Variants in TENM4 observed in about 807,000 individuals in gnomAD.
The protein encoded by TENM4 is teneurin transmembrane protein 4.
In TENM4, 82 loss-of-function variants were observed where a neutral mutation model predicts 243.3. That is an observed-to-expected ratio of 0.34 (90% CI 0.28 to 0.40). The LOEUF (loss-of-function observed/expected upper bound fraction) is 0.40. Ranked by LOEUF, TENM4 falls within the 10% of genes least tolerant of loss-of-function variation. The pLI is 1.00. For synonymous variants in TENM4, 1,412 were observed against 1,456.3 expected, an observed-to-expected ratio of 0.97 and a Z score of 0.69; for missense variants, 3,138 against 3,673.3, an observed-to-expected ratio of 0.85 and a Z score of 3.77.
At chr11:79,215,977 C>T (rs1248697761) in intron 2 of TENM4, 68 bp from the exon 3 acceptor site, 1 of 434,356 alleles carries the variant, frequency 2.3e-6, no homozygotes, top group Non-Finnish European at 3.1e-6. Flanking sequence ...TTCTCACAGA[C>T]CCTCCGCTCC....
intron 1 of TENM4, among the ~76,000 whole-genome samples, chr11:79,360,629 G>C (rs1426773641): frequency 2.0e-5 from 3 of 152,212 alleles, no homozygotes; most frequent in Non-Finnish European, 2.9e-5. Context: ...CAGTGACAAT[G>C]ATGGAGCTAA....
chr11:79,315,603 T>A (rs1392013721), intron 1 of TENM4, among the ~76,000 whole-genome samples: 1 of 152,218 alleles, frequency 6.6e-6, no homozygotes, highest in Non-Finnish European at 1.5e-5. Context: ...CAGGATCCCA[T>A]GGGAGCTTGT....
chr11:78,973,223 G>A (rs757574216), intron 6 of TENM4, among the ~76,000 whole-genome samples: 12 of 152,218 alleles, frequency 7.9e-5, no homozygotes, highest in Non-Finnish European at 1.8e-4. Flanking sequence ...TTGCTGAATT[G>A]TATGCTTAAC....
intron 4 of TENM4, among the ~76,000 whole-genome samples, chr11:79,081,778 A>C (rs1053261946): frequency 4.6e-5 from 7 of 152,078 alleles, no homozygotes; most frequent in Non-Finnish European, 1.0e-4. Flanking sequence ...GCGGGCCTAG[A>C]GGAAGAAAAT....
chr11:78,941,604 G>T (rs1434377055), intron 6 of TENM4, among the ~76,000 whole-genome samples: 5 of 152,198 alleles, frequency 3.3e-5, no homozygotes, highest in African/African-American at 1.2e-4. Context: ...GGCGGGGTGG[G>T]GTTGGGGGGG....
At chr11:79,015,462 GA>G (rs1192947730) in intron 6 of TENM4, among the ~76,000 whole-genome samples, 2 of 144,822 alleles carry the variant, frequency 1.4e-5, no homozygotes, top group East Asian at 2.0e-4. Context: ...GATTTCATGA[GA>G]AAAAAAGTCA....
intron 18 of TENM4, among the ~76,000 whole-genome samples, chr11:78,761,183 C>G (rs1856422905): frequency 6.6e-6 from 1 of 151,754 alleles, no homozygotes; most frequent in South Asian, 2.1e-4. Context: ...GAAGGCTTGC[C>G]TTCCTATGGG....
At chr11:79,067,885 C>T (rs1860305772) in intron 5 of TENM4, 1 of 152,152 alleles carries the variant, frequency 6.6e-6, no homozygotes, top group African/African-American at 2.4e-5. Context: ...ATGTTCTTGT[C>T]TTTAAAATGG....
At chr11:79,142,077 C>T (rs184455716) in intron 4 of TENM4, among the ~76,000 whole-genome samples, 7 of 152,086 alleles carry the variant, frequency 4.6e-5, no homozygotes, top group East Asian at 3.9e-4. Context: ...AGATGTGGAA[C>T]GTAACAATGA....
At chr11:78,738,061 T>C (rs1353489798) in intron 20 of TENM4, among the ~76,000 whole-genome samples, 1 of 152,224 alleles carries the variant, frequency 6.6e-6, no homozygotes, top group Non-Finnish European at 1.5e-5. Flanking sequence ...AATTCTGTCA[T>C]CACCCAAATG....
intron 1 of TENM4, among the ~76,000 whole-genome samples, chr11:79,336,117 G>C (rs1387905978): frequency 6.7e-6 from 1 of 149,034 alleles, no homozygotes; most frequent in Non-Finnish European, 1.5e-5. Context: ...AGCTAGATCT[G>C]AACTAAATGG....
intron 18 of TENM4, among the ~76,000 whole-genome samples, chr11:78,765,731 T>C (rs189272923): frequency 1.3e-5 from 2 of 152,314 alleles, no homozygotes; most frequent in Non-Finnish European, 1.5e-5. Flanking sequence ...TTAGTTTCCC[T>C]GTATGTAAAT....
At chr11:78,757,675 A>G in intron 18 of TENM4, among the ~76,000 whole-genome samples, 1 of 152,218 alleles carries the variant, frequency 6.6e-6, no homozygotes, top group East Asian at 1.9e-4. Flanking sequence ...TTAGGAGGTA[A>G]AACTGTAAGC....
intron 2 of TENM4, among the ~76,000 whole-genome samples, chr11:79,282,460 C>T (rs1006933087): frequency 5.9e-5 from 9 of 152,236 alleles, no homozygotes; most frequent in African/African-American, 1.9e-4. Flanking sequence ...TGTTCAGGGA[C>T]TCACATCATT....
chr11:78,939,845 G>A (rs1371882743), intron 6 of TENM4, among the ~76,000 whole-genome samples: 1 of 152,098 alleles, frequency 6.6e-6, no homozygotes, highest in Non-Finnish European at 1.5e-5. Context: ...GCTCATGAAG[G>A]ACAGAGACTA....
chr11:79,295,920 C>CACACAA (rs1333831947), intron 2 of TENM4, among the ~76,000 whole-genome samples: 6 of 150,758 alleles, frequency 4.0e-5, no homozygotes, highest in Middle Eastern at 3.4e-3. Flanking sequence ...CACACACACA[C>CACACAA]ACACACACAC....
chr11:79,104,668 G>A (rs1861318972), intron 4 of TENM4, among the ~76,000 whole-genome samples: 1 of 152,212 alleles, frequency 6.6e-6, no homozygotes, highest in Admixed American at 6.5e-5. Flanking sequence ...CTGCCAATGA[G>A]CATCTTGCTG....
intron 1 of TENM4, among the ~76,000 whole-genome samples, chr11:79,322,535 C>T (rs1856909146): frequency 6.6e-6 from 1 of 151,898 alleles, no homozygotes; most frequent in Admixed American, 6.6e-5. Context: ...TGCTCTAGTG[C>T]CAAGAAAAGA....
At chr11:78,911,189 T>C (rs572804546) in intron 6 of TENM4, among the ~76,000 whole-genome samples, 2 of 152,328 alleles carry the variant, frequency 1.3e-5, no homozygotes, top group Admixed American at 6.5e-5. Flanking sequence ...GTTGTCACAA[T>C]GGCTGGGAAG....
Sources: gnomAD v4.1 joint callset for allele counts (sites outside exome capture counted in the v4.1 genomes callset) on GRCh38, gnomAD v4.1.1 for gene constraint, MANE v1.5 for transcripts, NCBI Gene and HGNC (gene_info 2026-07-23, HGNC 2026-07-21) for gene names.